PARD3: variants seen among roughly 807,000 people sequenced by gnomAD.
PARD3 encodes partitioning defective 3 homolog.
A neutral mutation model predicts 155.4 loss-of-function variants in PARD3; 75 were observed. That is an observed-to-expected ratio of 0.48 (90% CI 0.40 to 0.58). PARD3 has a LOEUF of 0.58. Ranked by LOEUF, PARD3 falls within the 20% of genes least tolerant of loss-of-function variation. The pLI, the probability that PARD3 is intolerant of heterozygous loss-of-function variation, is 0.00. For missense variants in PARD3, 1,642 were observed against 1,721.7 expected (o/e 0.95, Z 0.82); for synonymous variants, 576 against 610.5 (o/e 0.94, Z 0.83).
At chr10:34,399,643 T>C (rs143152557) in intron 6 of PARD3, among the ~76,000 whole-genome samples, 1 of 152,146 alleles carries the variant, frequency 6.6e-6, no homozygotes, top group African/African-American at 2.4e-5. Context: ...TCTGATGGCA[T>C]GGAGGGAGAG....
In PARD3 at chr10:34,384,112, A is replaced by G; in HGVS notation, c.1016+17T>C. On this transcript the variant is annotated intron_variant, in intron 8 of 24. Transcript: ENST00000374788. ...CTAATGCAAGTAAGAACAGAAGTGCAGCGAGCACACACTTACTGTTCAAAT... is the reference window on the plus strand; with the variant it reads ...CTAATGCAAGTAAGAACAGAAGTGCGGCGAGCACACACTTACTGTTCAAAT... 2 of 1,610,980 alleles carry G rather than the reference A, an allele frequency of 1.2e-6. No individual in the cohort carries two copies. The highest frequency in any genetic ancestry group is 1.7e-6 in the Non-Finnish European group (2 of 1,178,226).
At chr10:34,244,409 C>T (rs774584013) in intron 22 of PARD3, among the ~76,000 whole-genome samples, 2 of 152,104 alleles carry the variant, frequency 1.3e-5, no homozygotes, top group African/African-American at 2.4e-5. Context: ...AAAACACAGA[C>T]GAACAGAGAT....
intron 2 of PARD3, among the ~76,000 whole-genome samples, chr10:34,631,051 G>C (rs2092246843): frequency 6.6e-6 from 1 of 151,942 alleles, no homozygotes. Context: ...CAGGCCCCAA[G>C]TGATCCGCCT....
chr10:34,226,817 C>T (rs1194291700), intron 22 of PARD3, among the ~76,000 whole-genome samples: 1 of 152,104 alleles, frequency 6.6e-6, no homozygotes, highest in Non-Finnish European at 1.5e-5. Flanking sequence ...TATTCATCTA[C>T]TGTTGAATGA....
At chr10:34,637,418 C>T (rs2092517892) in intron 2 of PARD3, among the ~76,000 whole-genome samples, 1 of 152,218 alleles carries the variant, frequency 6.6e-6, no homozygotes, top group Non-Finnish European at 1.5e-5. Flanking sequence ...CGTGAGAGCT[C>T]ACCCCCATCC....
intron 22 of PARD3, among the ~76,000 whole-genome samples, chr10:34,201,116 C>G (rs1227874443): frequency 1.3e-5 from 2 of 152,140 alleles, no homozygotes; most frequent in Non-Finnish European, 2.9e-5. Flanking sequence ...GAACTGGGTT[C>G]CAATCCCATC....
intron 2 of PARD3, among the ~76,000 whole-genome samples, chr10:34,666,777 TA>T (rs771593408): frequency 2.0e-3 from 34 of 17,050 alleles, no homozygotes; most frequent in South Asian, 5.6e-3. Flanking sequence ...CCCCTCCCCC[TA>T]AAAAAAAAAA....
At chr10:34,295,320 C>T (rs1956857458) in intron 20 of PARD3, among the ~76,000 whole-genome samples, 1 of 152,186 alleles carries the variant, frequency 6.6e-6, no homozygotes, top group Non-Finnish European at 1.5e-5. Context: ...CGGCAAATGT[C>T]AAACCTCCAC....
intron 22 of PARD3, among the ~76,000 whole-genome samples, chr10:34,200,640 C>T (rs897701253): frequency 1.3e-5 from 2 of 152,184 alleles, no homozygotes. Flanking sequence ...AGTGATGGTC[C>T]AGCCACTCAC....
At chr10:34,658,170 C>T (rs1228489328) in intron 2 of PARD3, among the ~76,000 whole-genome samples, 2 of 150,278 alleles carry the variant, frequency 1.3e-5, no homozygotes, top group Non-Finnish European at 3.0e-5. Flanking sequence ...GAATCCACAA[C>T]ATAAGTGGAT....
chr10:34,487,118 C>T (rs1289113442), intron 3 of PARD3, among the ~76,000 whole-genome samples: 1 of 152,096 alleles, frequency 6.6e-6, no homozygotes, highest in Non-Finnish European at 1.5e-5. Flanking sequence ...TGCACCCTTA[C>T]ACTCAACTGG....
At chr10:34,546,024 C>G (rs966930671) in intron 2 of PARD3, among the ~76,000 whole-genome samples, 2 of 152,054 alleles carry the variant, frequency 1.3e-5, no homozygotes, top group East Asian at 3.9e-4. Context: ...CAATTGCTTG[C>G]GCTATAAGCA....
chr10:34,633,628 C>T (rs2092360314), intron 2 of PARD3, among the ~76,000 whole-genome samples: 1 of 152,196 alleles, frequency 6.6e-6, no homozygotes, highest in Non-Finnish European at 1.5e-5. Context: ...AACGGCGCTG[C>T]AACAAACACG....
chr10:34,676,729 T>C (rs1041975384), intron 2 of PARD3, among the ~76,000 whole-genome samples: 9 of 152,216 alleles, frequency 5.9e-5, no homozygotes, highest in African/African-American at 1.2e-4. Context: ...AACAATATTA[T>C]GGAATTCTTA....
chr10:34,650,149 A>T (rs1168986717), intron 2 of PARD3, among the ~76,000 whole-genome samples: 2 of 152,270 alleles, frequency 1.3e-5, no homozygotes, highest in African/African-American at 4.8e-5. Context: ...TAAAAAGTAC[A>T]GTAAATACAT....
intron 22 of PARD3, among the ~76,000 whole-genome samples, chr10:34,252,989 C>G (rs1171637705): frequency 1.3e-5 from 2 of 152,084 alleles, no homozygotes; most frequent in Non-Finnish European, 2.9e-5. Flanking sequence ...AAGGATAACG[C>G]TATATTTACA....
chr10:34,771,041 A>AC (rs1838796571), intron 1 of PARD3, among the ~76,000 whole-genome samples: 1 of 152,222 alleles, frequency 6.6e-6, no homozygotes, highest in Non-Finnish European at 1.5e-5. Flanking sequence ...AAAGGGAAAG[A>AC]CGGAGAGACA....
chr10:34,358,686 C>G (rs958959356), intron 14 of PARD3, among the ~76,000 whole-genome samples: 1 of 152,128 alleles, frequency 6.6e-6, no homozygotes, highest in African/African-American at 2.4e-5. Context: ...CAGTGAGATC[C>G]TGTCTCAAAT....
chr10:34,288,562 G>C (rs80237164), intron 20 of PARD3, among the ~76,000 whole-genome samples: 10 of 152,168 alleles, frequency 6.6e-5, no homozygotes, highest in African/African-American at 2.4e-4. Context: ...AGGGGAGGGA[G>C]TCATTGAAAA....
Sources: allele counts gnomAD v4.1 joint callset (sites outside exome capture counted in the v4.1 genomes callset), GRCh38; gene constraint gnomAD v4.1.1; transcripts MANE v1.5; gene names NCBI Gene and HGNC (gene_info 2026-07-23, HGNC 2026-07-21).